Variants in KRT8 observed in about 807,000 individuals in gnomAD.
The protein encoded by KRT8 is keratin 8, also known as keratin, type II cytoskeletal 8.
KRT8 carries 24 observed loss-of-function variants against 43.0 expected under a neutral mutation model. The ratio of observed to expected loss-of-function variants is 0.56; its 90% CI spans 0.40 to 0.78. The LOEUF (loss-of-function observed/expected upper bound fraction) is 0.78, where lower values mean the gene tolerates loss of function less well. Among genes scored for constraint, KRT8 ranks in the 30% least tolerant of loss-of-function variants. The pLI, the probability that KRT8 is intolerant of heterozygous loss-of-function variation, is 0.00. For missense variants in KRT8, 492 were observed against 638.4 expected (o/e 0.77, Z 2.47); for synonymous variants, 214 against 261.2 (o/e 0.82, Z 1.74).
At chr12:52,934,021 A>C (rs1942126317) in intron 2 of KRT8, among the ~76,000 whole-genome samples, 1 of 148,788 alleles carries the variant, frequency 6.7e-6, no homozygotes, top group Non-Finnish European at 1.5e-5. Context: ...CAAGGTCAGG[A>C]GTTCAAGACC....
chr12:52,904,179 C>CT (rs1254516400), intron 1 of KRT8, among the ~76,000 whole-genome samples: 1 of 151,970 alleles, frequency 6.6e-6, no homozygotes, highest in African/African-American at 2.4e-5. Context: ...CTGGGGAGCC[C>CT]TTGGGGTAGT....
chr12:52,907,393 G>A (rs960623652), upstream of KRT8, among the ~76,000 whole-genome samples: 3 of 152,250 alleles, frequency 2.0e-5, no homozygotes, highest in South Asian at 2.1e-4. Flanking sequence ...GAGGACAGGC[G>A]CTCTCCCTAT....
chr12:52,922,313 C>A (rs985798563), intron 2 of KRT8, among the ~76,000 whole-genome samples: 3 of 150,964 alleles, frequency 2.0e-5, no homozygotes, highest in Non-Finnish European at 2.9e-5. Flanking sequence ...TCCCTGAAGA[C>A]AGTACCATAT....
At chr12:52,920,526 G>A (rs1941861518) in intron 2 of KRT8, among the ~76,000 whole-genome samples, 1 of 152,152 alleles carries the variant, frequency 6.6e-6, no homozygotes, top group Admixed American at 6.5e-5. Flanking sequence ...GAACCCAGGG[G>A]GCAGAGGTTG....
chr12:52,947,332 CA>C (rs1236793943), intron 2 of KRT8: 2 of 152,168 alleles, frequency 1.3e-5, no homozygotes, highest in African/African-American at 2.4e-5. Context: ...CAAGGGGGGA[CA>C]GGGGAAGGAC....
chr12:52,921,929 G>C (rs191086997), intron 2 of KRT8, among the ~76,000 whole-genome samples: 3 of 152,090 alleles, frequency 2.0e-5, no homozygotes, highest in East Asian at 3.9e-4. Flanking sequence ...ACTTTGGAAG[G>C]CCAAAGTGGG....
chr12:52,943,603 C>A (rs566066283), intron 2 of KRT8, among the ~76,000 whole-genome samples: 1 of 152,222 alleles, frequency 6.6e-6, no homozygotes, highest in Non-Finnish European at 1.5e-5. Context: ...GGGGGATGCT[C>A]CAGGTGGGCC....
chr12:52,937,613 G>A (rs982363678), intron 2 of KRT8, among the ~76,000 whole-genome samples: 3 of 151,292 alleles, frequency 2.0e-5, no homozygotes, highest in Admixed American at 6.6e-5. Context: ...ACTTGAATCC[G>A]GGAGGCAAAT....
At position 52,900,568 on chromosome 12, in the gene KRT8, T is replaced by C; in HGVS notation, c.690+20A>G. ...TGACAAGGCTGGGGGACCCTCACTC[T>C]CCTGCGACCAGGAACATACCTCTTC... On this transcript the variant is annotated intron_variant, in intron 4 of 7. Transcript: ENST00000692008. 6.5e-7 allele frequency: 1 copy of C among 1,548,550 alleles called. No individual in the cohort carries two copies. The highest frequency in any genetic ancestry group is 8.9e-7 in the Non-Finnish European group (1 of 1,122,310).
upstream of KRT8, among the ~76,000 whole-genome samples, chr12:52,909,937 A>C (rs966005358): frequency 2.0e-5 from 3 of 151,942 alleles, no homozygotes; most frequent in Non-Finnish European, 2.9e-5. Context: ...GGTCTCCCAC[A>C]CTTTTTTTTC....
intron 2 of KRT8, among the ~76,000 whole-genome samples, chr12:52,932,012 C>G (rs1942092941): frequency 1.3e-5 from 2 of 151,674 alleles, no homozygotes; most frequent in South Asian, 4.2e-4. Flanking sequence ...GCCCAGGCTG[C>G]TCTTGAACTC....
intron 2 of KRT8, among the ~76,000 whole-genome samples, chr12:52,944,020 G>A (rs944727971): frequency 6.6e-6 from 1 of 152,186 alleles, no homozygotes; most frequent in Non-Finnish European, 1.5e-5. Context: ...AGAGTAGTAA[G>A]TGCAAAAGAA....
chr12:52,938,149 TA>T lies in KRT8; in HGVS notation c.-47+11306del, dbSNP rs1565732843. 9.8e-4 allele frequency among the ~76,000 whole-genome samples: 35 copies of T among 35,786 alleles called. 1 individual carries two copies. Among genetic ancestry groups the T allele is most frequent in the South Asian group, 1.6e-3 (2 of 1,280 alleles). The allele number at this position is 35,786 out of a possible 152,430, so 23.5% of individuals were successfully genotyped here. A position where few individuals can be genotyped will look rare whatever the true frequency, so the allele number is the denominator to read the frequency against. On this transcript the variant is annotated intron_variant, in intron 2 of 6. Transcript: ENST00000546826. ...CCCACTAGAAAGCTATATATATATATATATATATATATATATATATATTTTT... is the reference window on the plus strand; with the variant it reads ...CCCACTAGAAAGCTATATATATATATTATATATATATATATATATATTTTT...
chr12:52,917,880 AAAGAAG>A (rs1387228020), intron 2 of KRT8, among the ~76,000 whole-genome samples: 1 of 150,686 alleles, frequency 6.6e-6, no homozygotes, highest in African/African-American at 2.4e-5. Flanking sequence ...CTTCATCTCA[AAAGAAG>A]AAGAAGAAGG....
chr12:52,937,514 C>T (rs748710998), intron 2 of KRT8, among the ~76,000 whole-genome samples: 2 of 151,604 alleles, frequency 1.3e-5, no homozygotes, highest in Non-Finnish European at 2.9e-5. Context: ...ATGGCAAAAC[C>T]CTGTCTCTAC....
upstream of KRT8, among the ~76,000 whole-genome samples, chr12:52,907,527 C>A (rs1185327805): frequency 1.3e-5 from 2 of 152,224 alleles, no homozygotes; most frequent in East Asian, 1.9e-4. Context: ...CTCCACCCCA[C>A]CTTTCTGGTT....
chr12:52,901,496 C>G (rs760457771), intron 2 of KRT8: 1 of 553,798 alleles, frequency 1.8e-6, no homozygotes, highest in Non-Finnish European at 3.2e-6. Flanking sequence ...AGACCTCAGA[C>G]AGAACTTTCT....
At chr12:52,902,784 G>A (rs1311848602) in intron 1 of KRT8, among the ~76,000 whole-genome samples, 2 of 152,126 alleles carry the variant, frequency 1.3e-5, no homozygotes, top group Admixed American at 1.3e-4. Flanking sequence ...GGCCAAGGCA[G>A]GCGGATTTCT....
At chr12:52,940,572 G>A (rs1030230997) in intron 2 of KRT8, among the ~76,000 whole-genome samples, 8 of 151,884 alleles carry the variant, frequency 5.3e-5, no homozygotes, top group East Asian at 1.9e-4. Context: ...TGGGGGTGTC[G>A]GGGAGGAGGT....
Sources: allele counts gnomAD v4.1 joint callset (sites outside exome capture counted in the v4.1 genomes callset), GRCh38; gene constraint gnomAD v4.1.1; transcripts MANE v1.5; gene names NCBI Gene and HGNC (gene_info 2026-07-23, HGNC 2026-07-21).